Variants in APBA2 observed in about 807,000 individuals in gnomAD.
The protein encoded by APBA2 is amyloid-beta A4 precursor protein-binding family A member 2.
Under a neutral mutation model 75.0 loss-of-function variants are expected in APBA2, and 30 were observed. The ratio of observed to expected loss-of-function variants is 0.40; its 90% CI spans 0.30 to 0.54. The LOEUF is 0.54. APBA2 is among the 20% of genes least tolerant of loss of function. The pLI, the probability that APBA2 is intolerant of heterozygous loss-of-function variation, is 0.49. For missense variants in APBA2, 801 were observed against 1,016.1 expected (o/e 0.79, Z 2.88); for synonymous variants, 444 against 409.6 (o/e 1.08, Z -1.01).
At chr15:28,945,440 A>G (rs558255986) in intron 2 of APBA2, among the ~76,000 whole-genome samples, 35 of 152,084 alleles carry the variant, frequency 2.3e-4, no homozygotes, top group Middle Eastern at 3.4e-3. Flanking sequence ...ATTTCACGTT[A>G]CAAAAAAGGG....
intron 2 of APBA2, among the ~76,000 whole-genome samples, chr15:28,962,003 CT>C (rs2036497770): frequency 6.6e-6 from 1 of 152,138 alleles, no homozygotes; most frequent in Non-Finnish European, 1.5e-5. Context: ...GATTCTTCTA[CT>C]TCATTTACCA....
intron 13 of APBA2, among the ~76,000 whole-genome samples, chr15:29,110,426 A>G (rs1237803453): frequency 6.6e-6 from 1 of 152,194 alleles, no homozygotes; most frequent in Admixed American, 6.5e-5. Context: ...CCTAGGAGGC[A>G]GGTGGGCCTG....
chr15:29,113,350 G>GC (rs1187795842), intron 13 of APBA2, among the ~76,000 whole-genome samples: 3 of 149,382 alleles, frequency 2.0e-5, no homozygotes, highest in Admixed American at 6.6e-5. Flanking sequence ...ACGTCACTTG[G>GC]CGGGGGGGGG....
chr15:28,968,569 G>A (rs2036865052), intron 2 of APBA2, among the ~76,000 whole-genome samples: 1 of 152,146 alleles, frequency 6.6e-6, no homozygotes, highest in Admixed American at 6.5e-5. Context: ...AGGATTAGAG[G>A]AAGTGCTCTA....
At chr15:28,994,732 A>C (rs1172555948) in intron 2 of APBA2, among the ~76,000 whole-genome samples, 2 of 152,148 alleles carry the variant, frequency 1.3e-5, no homozygotes, top group African/African-American at 4.8e-5. Flanking sequence ...AGAGAAGTGA[A>C]GACGCTGAGT....
chr15:29,115,569 G>C (rs1385736668), intron 14 of APBA2, among the ~76,000 whole-genome samples: 1 of 152,216 alleles, frequency 6.6e-6, no homozygotes, highest in Non-Finnish European at 1.5e-5. Context: ...GAACGGGGAA[G>C]AGGCAGGAGG....
chr15:29,043,340 G>A (rs1228328800), intron 3 of APBA2, among the ~76,000 whole-genome samples: 1 of 152,162 alleles, frequency 6.6e-6, no homozygotes, highest in Non-Finnish European at 1.5e-5. Context: ...AAGAAGTTAG[G>A]CCCAACATTA....
chr15:28,920,684 G>A (rs2033927401), intron 1 of APBA2, among the ~76,000 whole-genome samples: 1 of 152,246 alleles, frequency 6.6e-6, no homozygotes, highest in African/African-American at 2.4e-5. Context: ...GAAGGCAGCA[G>A]CCGTGGATGT....
intron 3 of APBA2, among the ~76,000 whole-genome samples, chr15:28,996,595 G>T (rs1369438748): frequency 6.6e-6 from 1 of 152,198 alleles, no homozygotes; most frequent in East Asian, 1.9e-4. Flanking sequence ...CGGCTTTGTA[G>T]GGAAACTGGT....
intron 3 of APBA2, among the ~76,000 whole-genome samples, chr15:29,012,886 T>G (rs754844911): frequency 6.6e-6 from 1 of 152,228 alleles, no homozygotes; most frequent in Non-Finnish European, 1.5e-5. Context: ...TTTTTAACCT[T>G]TTGGCTTCCA....
In APBA2 at chr15:29,011,528, C is replaced by G. The variant is rs539683217; in HGVS notation, c.-41+15722C>G. On this transcript the variant is annotated intron_variant, in intron 3 of 14. Transcript: ENST00000683413. Reference sequence around the variant, plus strand: ...GTTAACATTTTGAAATTTGTTTACACTGGCTTTAGACTTGTCCACCATATG... The same window carrying G: ...GTTAACATTTTGAAATTTGTTTACAGTGGCTTTAGACTTGTCCACCATATG... Among the ~76,000 whole-genome samples the G allele has an allele frequency of 1.5e-3, 233 of 152,292 alleles. 2 individuals are homozygous for G. The highest frequency in any genetic ancestry group is 6.8e-3 in the Middle Eastern group (2 of 294).
intron 6 of APBA2, among the ~76,000 whole-genome samples, chr15:29,082,890 G>A (rs577439455): frequency 2.6e-4 from 40 of 152,146 alleles, no homozygotes; most frequent in East Asian, 1.2e-3. Flanking sequence ...GTGAAACTCC[G>A]TCTCTACTAA....
intron 2 of APBA2, among the ~76,000 whole-genome samples, chr15:28,962,632 C>G (rs970914502): frequency 1.3e-5 from 2 of 151,780 alleles, no homozygotes; most frequent in Non-Finnish European, 1.5e-5. Context: ...AGGCTTGTCT[C>G]GAACTCCTGG....
Position 29,074,109 on chromosome 15 carries a change from G to A in APBA2, c.952-812G>A, listed in dbSNP as rs891886417. 2.6e-5 allele frequency among the ~76,000 whole-genome samples: 4 copies of A among 152,038 alleles called. No homozygotes were observed. In the East Asian group the frequency reaches 7.7e-4, roughly 29 times the overall value. ...AGGTCCTTAAAAACTGAAAAATAGA[G>A]TTATCCTATGATCCAGTGATTTCAC... On this transcript the variant is annotated intron_variant, in intron 4 of 14. Transcript: ENST00000683413.
chr15:28,939,179 G>A (rs1467417816), intron 2 of APBA2, among the ~76,000 whole-genome samples: 7 of 152,206 alleles, frequency 4.6e-5, no homozygotes, highest in Non-Finnish European at 1.0e-4. Context: ...GTTGTGGCAT[G>A]CGTCAGAATT....
At position 29,117,267 on chromosome 15, in the gene APBA2, C is replaced by A. The variant is rs2045246516; in HGVS notation, c.*134C>A. The A allele has an allele frequency of 9.3e-6, 7 of 752,614 alleles. 1 individual carries two copies. In the South Asian group the frequency reaches 1.1e-4, roughly 12 times the overall value. 46.6% of individuals were successfully genotyped at this position (752,614 alleles called of 1,614,324 possible). On this transcript the variant is annotated 3_prime_UTR_variant, in exon 15 of 15. Coordinates refer to ENST00000683413, the MANE Select transcript of APBA2 (RefSeq NM_001353788.2). ...GACGCTGGCTCCCCAAAGGGTGTGC[C>A]CTCACCACCCACTTGATTTTTTTCA...
chr15:29,103,063 C>T (rs2044209958), intron 10 of APBA2, among the ~76,000 whole-genome samples: 1 of 152,210 alleles, frequency 6.6e-6, no homozygotes, highest in South Asian at 2.1e-4. Flanking sequence ...CCTTCGAAAC[C>T]TGGATGGGTA....
intron 2 of APBA2, among the ~76,000 whole-genome samples, chr15:28,987,725 G>GATATATATATATATATATATATATATAT (rs1469936230): frequency 4.6e-4 from 54 of 118,488 alleles, no homozygotes; most frequent in South Asian, 1.9e-3. Context: ...AATATGTGGA[G>GATATATATATATATATATATATATATAT]AGAGATATAT....
At chr15:28,904,457 G>A (rs781312425) in intron 1 of APBA2, among the ~76,000 whole-genome samples, 64 of 152,144 alleles carry the variant, frequency 4.2e-4, no homozygotes, top group Non-Finnish European at 2.8e-4. Flanking sequence ...TTTTTTATTG[G>A]CAGATATTCA....
Sources: gnomAD v4.1 joint callset for allele counts (sites outside exome capture counted in the v4.1 genomes callset) on GRCh38, gnomAD v4.1.1 for gene constraint, MANE v1.5 for transcripts, NCBI Gene and HGNC (gene_info 2026-07-23, HGNC 2026-07-21) for gene names.